RGS5: variants seen among roughly 807,000 people sequenced by gnomAD.
RGS5 encodes the protein regulator of G protein signaling 5, also known as regulator of G-protein signalling 5.
A neutral mutation model predicts 18.9 loss-of-function variants in RGS5; 20 were observed. The ratio of observed to expected loss-of-function variants is 1.06; its 90% CI spans 0.74 to 1.54. The LOEUF (loss-of-function observed/expected upper bound fraction) is 1.54. Ranked by LOEUF, RGS5 falls within the 40% of genes most tolerant of loss-of-function variation. The probability of loss-of-function intolerance (pLI) is 0.00; values close to 1 mark genes in which losing one functional copy is unlikely to be tolerated. For synonymous variants in RGS5, 57 were observed against 76.2 expected, an observed-to-expected ratio of 0.75 and a Z score of 1.31; for missense variants, 201 against 211.8, an observed-to-expected ratio of 0.95 and a Z score of 0.32.
intron 2 of RGS5, among the ~76,000 whole-genome samples, chr1:163,226,927 C>A (rs1442701159): frequency 2.0e-5 from 3 of 152,176 alleles, no homozygotes; most frequent in South Asian, 4.1e-4. Context: ...AAACATTGGA[C>A]ATTTTTAAAA....
chr1:163,260,367 C>T (rs1210544126), intron 2 of RGS5, among the ~76,000 whole-genome samples: 2 of 151,978 alleles, frequency 1.3e-5, no homozygotes, highest in African/African-American at 2.4e-5. Context: ...TTGAAATTAT[C>T]GCCAGTGCTT....
chr1:163,203,093 T>C (rs1465732551), upstream of RGS5: 9 of 428,586 alleles, frequency 2.1e-5, no homozygotes, highest in South Asian at 6.4e-5. Context: ...AAGGCTTTCA[T>C]CTGCTCTTAT....
intron 2 of RGS5, among the ~76,000 whole-genome samples, chr1:163,224,387 C>A (rs1267270008): frequency 6.6e-6 from 1 of 152,168 alleles, no homozygotes; most frequent in Non-Finnish European, 1.5e-5. Context: ...AGGAGTTTCT[C>A]TTTTTAATTG....
Position 163,246,086 on chromosome 1 carries a change from G to A in RGS5, c.-281+60147C>T, listed in dbSNP as rs544053956. 2.8e-3 allele frequency among the ~76,000 whole-genome samples: 430 copies of A among 151,684 alleles called. 1 individual carries two copies. The highest frequency in any genetic ancestry group is 0.01 in the African/African-American group (415 of 41,360). On this transcript the variant is annotated intron_variant, in intron 2 of 5. Transcript: ENST00000618415. ...CAAAAAATTAGCCAGGCGTGGTGGCGGGCACCTGCAGTCCCAGCTACTCGG... is the reference window on the plus strand; with the variant it reads ...CAAAAAATTAGCCAGGCGTGGTGGCAGGCACCTGCAGTCCCAGCTACTCGG...
At chr1:163,283,436 A>T (rs1028504441) in intron 2 of RGS5, among the ~76,000 whole-genome samples, 1 of 152,188 alleles carries the variant, frequency 6.6e-6, no homozygotes, top group Non-Finnish European at 1.5e-5. Flanking sequence ...GTCACCTAAA[A>T]TGGAATAATA....
At chr1:163,312,024 C>A (rs1649880164) in intron 1 of RGS5, among the ~76,000 whole-genome samples, 1 of 152,204 alleles carries the variant, frequency 6.6e-6, no homozygotes, top group Admixed American at 6.5e-5. Context: ...CTTTGTGTCT[C>A]CACTCAAATC....
chr1:163,295,614 T>C (rs1221906680), intron 2 of RGS5, among the ~76,000 whole-genome samples: 1 of 152,186 alleles, frequency 6.6e-6, no homozygotes, highest in Non-Finnish European at 1.5e-5. Context: ...ACATGCAAAT[T>C]GTTCTCTCTT....
rs16850123 is a variant in RGS5 at position 163,176,744 on chromosome 1, T to C, written c.45-8376A>G. On this transcript the variant is annotated intron_variant, in intron 1 of 4. Transcript: ENST00000313961. Reference sequence around the variant, plus strand: ...AATGCCTACCACATGATGTACGCTATAATATGTTTTGATATTTTCAACGAA... The same window carrying C: ...AATGCCTACCACATGATGTACGCTACAATATGTTTTGATATTTTCAACGAA... Among the ~76,000 whole-genome samples, 262 of 152,332 alleles carry C rather than the reference T, an allele frequency of 1.7e-3. 3 individuals carry two copies. Among genetic ancestry groups the C allele is most frequent in the Non-Finnish European group, 2.9e-3 (199 of 68,030 alleles).
At position 163,250,987 on chromosome 1, in the gene RGS5, C is replaced by T. The variant is rs145472086; in HGVS notation, c.-281+55246G>A. ...CATACATGTTTCAAATTTTATGGAA[C>T]CTTACTAAATGGAAAGCACTGTGCA... On this transcript the variant is annotated intron_variant, in intron 2 of 5. Coordinates refer to the RGS5 transcript ENST00000618415. Among the ~76,000 whole-genome samples the T allele has an allele frequency of 7.4e-3, 1,131 of 152,222 alleles. 16 individuals carry two copies. Among genetic ancestry groups the T allele is most frequent in the African/African-American group, 0.026 (1,063 of 41,512 alleles).
At chr1:163,198,710 T>C (rs1441958309) in intron 1 of RGS5, among the ~76,000 whole-genome samples, 1 of 152,142 alleles carries the variant, frequency 6.6e-6, no homozygotes, top group Non-Finnish European at 1.5e-5. Context: ...TAGCTCACTA[T>C]AGCCTCAGAC....
chr1:163,237,777 C>T (rs749941000), intron 2 of RGS5: 2 of 152,762 alleles, frequency 1.3e-5, no homozygotes, highest in Non-Finnish European at 2.9e-5. Flanking sequence ...TTTGCCAACA[C>T]TGCCACTCCT....
intron 2 of RGS5, among the ~76,000 whole-genome samples, chr1:163,272,054 CT>C (rs1239486352): frequency 2.6e-5 from 4 of 151,122 alleles, no homozygotes; most frequent in African/African-American, 9.7e-5. Flanking sequence ...CTCTCTTTTT[CT>C]TTTTTTCTTA....
intron 1 of RGS5, among the ~76,000 whole-genome samples, chr1:163,308,224 G>A (rs1367757811): frequency 6.6e-6 from 1 of 152,076 alleles, no homozygotes; most frequent in African/African-American, 2.4e-5. Flanking sequence ...TTACATATTA[G>A]TTCAGATTAG....
chr1:163,316,110 A>G (rs1444173496), intron 1 of RGS5, among the ~76,000 whole-genome samples: 2 of 152,202 alleles, frequency 1.3e-5, no homozygotes, highest in African/African-American at 4.8e-5. Context: ...TAACTCAAAA[A>G]TATATAAAAG....
At chr1:163,292,225 C>A (rs952043199) in intron 2 of RGS5, among the ~76,000 whole-genome samples, 1 of 152,050 alleles carries the variant, frequency 6.6e-6, no homozygotes, top group Non-Finnish European at 1.5e-5. Flanking sequence ...TATATCCATG[C>A]ATTCTCATCA....
intron 1 of RGS5, among the ~76,000 whole-genome samples, chr1:163,215,455 C>T (rs930097789): frequency 6.6e-6 from 1 of 152,130 alleles, no homozygotes; most frequent in Non-Finnish European, 1.5e-5. Context: ...CTTTCTGTCT[C>T]ATAGTAAACA....
At chr1:163,299,795 C>A (rs78346576) in intron 2 of RGS5, among the ~76,000 whole-genome samples, 53 of 152,244 alleles carry the variant, frequency 3.5e-4, no homozygotes, top group Admixed American at 2.1e-3. Context: ...AAAATCATTT[C>A]GATCAAGTAG....
upstream of RGS5, among the ~76,000 whole-genome samples, chr1:163,204,323 AC>A (rs1659887479): frequency 6.6e-6 from 1 of 151,744 alleles, no homozygotes; most frequent in Non-Finnish European, 1.5e-5. Flanking sequence ...ACACACACAC[AC>A]ACACACACAC....
chr1:163,308,192 T>C (rs1054773412), intron 1 of RGS5, among the ~76,000 whole-genome samples: 1 of 152,222 alleles, frequency 6.6e-6, no homozygotes, highest in Admixed American at 6.5e-5. Context: ...TTGAAAATGA[T>C]TCTCAAGTGA....
Sources: allele counts gnomAD v4.1 joint callset (sites outside exome capture counted in the v4.1 genomes callset), GRCh38; gene constraint gnomAD v4.1.1; transcripts MANE v1.5; gene names NCBI Gene and HGNC (gene_info 2026-07-23, HGNC 2026-07-21).